GNA14: variants seen among roughly 807,000 people sequenced by gnomAD.
GNA14 encodes guanine nucleotide-binding protein subunit alpha-14.
In GNA14, 50 loss-of-function variants were observed where a neutral mutation model predicts 42.0. The ratio of observed to expected loss-of-function variants is 1.19; its 90% CI spans 0.95 to 1.51. The LOEUF (loss-of-function observed/expected upper bound fraction) is 1.51. Among genes scored for constraint, GNA14 ranks in the 40% most tolerant of loss-of-function variants. The probability of loss-of-function intolerance (pLI) is 0.00; values close to 1 mark genes in which losing one functional copy is unlikely to be tolerated. For missense variants in GNA14, 473 were observed against 446.2 expected (o/e 1.06, Z -0.54); for synonymous variants, 173 against 163.1 (o/e 1.06, Z -0.46).
At position 77,642,967 on chromosome 9, in the gene GNA14, G is replaced by C. The variant is rs538387930; in HGVS notation, c.124+4703C>G. Among the ~76,000 whole-genome samples the C allele has an allele frequency of 1.1e-4, 16 of 152,262 alleles. 1 individual carries two copies. Among genetic ancestry groups the C allele is most frequent in the African/African-American group, 3.6e-4 (15 of 41,554 alleles). The stretch of plus-strand genomic sequence containing the variant: ...TTGTTTGCATCTTACCCTCACCATA[G>C]TTCAAGGCCCACTCAGATGATGCCT... On this transcript the variant is annotated intron_variant, in intron 1 of 6. Transcript: ENST00000341700.
intron 1 of GNA14, among the ~76,000 whole-genome samples, chr9:77,588,649 A>G (rs904743767): frequency 3.3e-5 from 5 of 152,188 alleles, no homozygotes; most frequent in Non-Finnish European, 5.9e-5. Flanking sequence ...TATTTCATAT[A>G]AAAATCTAAG....
At chr9:77,489,753 G>T (rs917191846) in intron 2 of GNA14, among the ~76,000 whole-genome samples, 21 of 152,070 alleles carry the variant, frequency 1.4e-4, no homozygotes, top group Non-Finnish European at 2.2e-4. Flanking sequence ...CTCCCGGTGG[G>T]CTCGTGGTCT....
At chr9:77,510,507 G>C (rs909048071) in intron 2 of GNA14, among the ~76,000 whole-genome samples, 11 of 152,228 alleles carry the variant, frequency 7.2e-5, no homozygotes, top group Admixed American at 3.3e-4. Flanking sequence ...GCTAATTTTT[G>C]TATTTTTTAG....
intron 1 of GNA14, among the ~76,000 whole-genome samples, chr9:77,542,620 A>G (rs1406385367): frequency 1.3e-5 from 2 of 152,142 alleles, no homozygotes; most frequent in Admixed American, 6.5e-5. Context: ...AGTAGCAGTG[A>G]TGGGGCAGCC....
chr9:77,590,393 A>G (rs1823372083), intron 1 of GNA14, among the ~76,000 whole-genome samples: 1 of 152,216 alleles, frequency 6.6e-6, no homozygotes, highest in Non-Finnish European at 1.5e-5. Context: ...AAACCAGCAC[A>G]ATCAACCTAC....
chr9:77,535,849 T>A (rs1837590342), intron 1 of GNA14, among the ~76,000 whole-genome samples: 1 of 151,344 alleles, frequency 6.6e-6, no homozygotes, highest in African/African-American at 2.4e-5. Flanking sequence ...TGCCTGGGAC[T>A]GGAATGCTCA....
chr9:77,553,401 T>C lies in GNA14; in HGVS notation c.125-24148A>G, dbSNP rs1837809189. On this transcript the variant is annotated intron_variant, in intron 1 of 6. Transcript: ENST00000341700. ...ACATGGAAACAAGATCAGACCTATA[T>C]GGCACATCAAAATCAATCCCAGGTG... 2.0e-5 allele frequency among the ~76,000 whole-genome samples: 3 copies of C among 152,090 alleles called. 1 individual carries two copies. The highest frequency in any genetic ancestry group is 2.0e-4 in the Admixed American group (3 of 15,260).
In GNA14 at chr9:77,647,788, G is replaced by A. The variant is rs776267674; in HGVS notation, c.6C>T (p.Ala2=). ...CCTCCGCGGACAGGCAGCAGCAGCC[G>A]GCCATGGTGCGCTCAGCTCAGTACC... The part of the protein sequence containing the change: M[A]GCCCLSAEEK... The change falls in exon 1 of 7, where the codon GCC becomes GCT. Residue 2 remains alanine (A), a synonymous_variant. Coordinates refer to ENST00000341700, the MANE Select transcript of GNA14 (RefSeq NM_004297.4). 6.8e-6 allele frequency: 11 copies of A among 1,608,346 alleles called. No homozygotes were observed. The highest frequency in any genetic ancestry group is 6.7e-5 in the African/African-American group (5 of 74,890).
intron 1 of GNA14, among the ~76,000 whole-genome samples, chr9:77,545,775 C>T (rs1837711876): frequency 6.6e-6 from 1 of 152,168 alleles, no homozygotes. Context: ...ATTCTCTTCT[C>T]CCTGTTACTA....
At chr9:77,635,128 T>C (rs1182411221) in intron 1 of GNA14, 1 of 152,154 alleles carries the variant, frequency 6.6e-6, no homozygotes. Flanking sequence ...ACCCAAACAG[T>C]GTACACTGGA....
At position 77,573,275 on chromosome 9, in the gene GNA14, C is replaced by T. The variant is rs192425707; in HGVS notation, c.125-44022G>A. Among the ~76,000 whole-genome samples the T allele has an allele frequency of 4.9e-4, 74 of 151,960 alleles. No homozygotes were observed. The Middle Eastern group carries it at 0.01, about 21-fold the overall frequency. Reference sequence around the variant, plus strand: ...ACCAGCCTGGCCAACATAGTGAAACCCTGTCTCTACTAAAAATACAAAAAT... The same window carrying T: ...ACCAGCCTGGCCAACATAGTGAAACTCTGTCTCTACTAAAAATACAAAAAT... On this transcript the variant is annotated intron_variant, in intron 1 of 6. Transcript: ENST00000341700.
intron 2 of GNA14, among the ~76,000 whole-genome samples, chr9:77,452,927 T>A (rs1471058993): frequency 6.6e-6 from 1 of 150,484 alleles, no homozygotes; most frequent in Non-Finnish European, 1.5e-5. Flanking sequence ...ACGCCAGGAG[T>A]TCAAGACCAG....
At chr9:77,511,012 C>A (rs1326395010) in intron 2 of GNA14, among the ~76,000 whole-genome samples, 1 of 150,798 alleles carries the variant, frequency 6.6e-6, no homozygotes. Context: ...AGAGTTGGAT[C>A]TCAAGCCCCT....
intron 2 of GNA14, among the ~76,000 whole-genome samples, chr9:77,527,943 G>A (rs771637798): frequency 5.9e-5 from 9 of 152,082 alleles, no homozygotes; most frequent in Non-Finnish European, 1.2e-4. Context: ...CCCACCCCAC[G>A]CAAGTTTTAG....
intron 1 of GNA14, among the ~76,000 whole-genome samples, chr9:77,614,547 A>G (rs183141509): frequency 1.5e-3 from 231 of 152,316 alleles, no homozygotes; most frequent in African/African-American, 4.4e-3. Context: ...TCAGTCTATG[A>G]AACGCCAACA....
chr9:77,450,264 A>G (rs944735724), intron 2 of GNA14, among the ~76,000 whole-genome samples: 1 of 152,122 alleles, frequency 6.6e-6, no homozygotes, highest in African/African-American at 2.4e-5. Flanking sequence ...CTGTGACTAC[A>G]CACTTCTGTT....
rs556167482 is a variant in GNA14 at position 77,456,636 on chromosome 9, G to A, written c.310-22114C>T. 2.6e-5 allele frequency: 4 copies of A among 152,238 alleles called. No homozygotes were observed. The East Asian group carries it at 5.8e-4, about 22-fold the overall frequency. The allele number at this position is 152,238 out of a possible 1,614,324, so 9.4% of individuals were successfully genotyped here. A position where few individuals can be genotyped will look rare whatever the true frequency, so the allele number is the denominator to read the frequency against. ...TATGGAAGACTTGCTAATATTCACC[G>A]TGGAACTGAGGAGTAACGTATGTTC... On this transcript the variant is annotated intron_variant, in intron 2 of 6. Coordinates refer to ENST00000341700, the MANE Select transcript of GNA14 (RefSeq NM_004297.4).
At chr9:77,506,457 T>C (rs1353211694) in intron 2 of GNA14, among the ~76,000 whole-genome samples, 1 of 152,062 alleles carries the variant, frequency 6.6e-6, no homozygotes, top group Non-Finnish European at 1.5e-5. Context: ...GGTGGGCAGA[T>C]CATGAGGTCA....
intron 1 of GNA14, among the ~76,000 whole-genome samples, chr9:77,549,931 T>G (rs772788108): frequency 2.0e-5 from 3 of 152,162 alleles, no homozygotes; most frequent in Non-Finnish European, 1.5e-5. Context: ...TTCTAGGGCT[T>G]GCATGGGCCC....
Sources: allele counts gnomAD v4.1 joint callset (sites outside exome capture counted in the v4.1 genomes callset), GRCh38; gene constraint gnomAD v4.1.1; transcripts MANE v1.5; gene names NCBI Gene and HGNC (gene_info 2026-07-23, HGNC 2026-07-21).